CTNNA2: variants seen among roughly 807,000 people sequenced by gnomAD.
CTNNA2 encodes the protein catenin alpha 2, also known as catenin alpha-2.
In CTNNA2, 42 loss-of-function variants were observed where a neutral mutation model predicts 101.0. The ratio of observed to expected loss-of-function variants is 0.42; its 90% CI spans 0.32 to 0.54. CTNNA2 has a LOEUF of 0.54. Among genes scored for constraint, CTNNA2 ranks in the 20% least tolerant of loss-of-function variants. The pLI, the probability that CTNNA2 is intolerant of heterozygous loss-of-function variation, is 0.14. For synonymous variants in CTNNA2, 450 were observed against 456.4 expected (o/e 0.99, Z 0.18); for missense variants, 871 against 1,223.1 (o/e 0.71, Z 4.29).
At chr2:79,821,923 T>A (rs145120290) in intron 3 of CTNNA2, among the ~76,000 whole-genome samples, 1,608 of 152,268 alleles carry the variant, frequency 0.011, 31 homozygotes, top group African/African-American at 0.036. Context: ...AACATAAAAC[T>A]TAAGAAAAGT....
chr2:79,886,490 G>A (rs113322169), intron 6 of CTNNA2, among the ~76,000 whole-genome samples: 42,971 of 151,516 alleles, frequency 0.28, 6,413 homozygotes, highest in Middle Eastern at 0.37. Context: ...GGTGGCTCAC[G>A]CCTGTAATCC....
At chr2:79,761,161 C>T (rs905797984) in intron 3 of CTNNA2, among the ~76,000 whole-genome samples, 26 of 152,214 alleles carry the variant, frequency 1.7e-4, no homozygotes, top group African/African-American at 5.1e-4. Flanking sequence ...TGACGATAAG[C>T]TGAAATGCTG....
intron 7 of CTNNA2, among the ~76,000 whole-genome samples, chr2:80,089,169 T>G (rs1699629655): frequency 6.6e-6 from 1 of 152,026 alleles, no homozygotes; most frequent in Admixed American, 6.6e-5. Context: ...CTAATTTTCC[T>G]GGTGGGGGCT....
rs555172809 is a variant in CTNNA2, at chr2:79,953,005, A to G, written c.1056+43208A>G. 2.6e-5 allele frequency among the ~76,000 whole-genome samples: 4 copies of G among 152,346 alleles called. No individual in the cohort carries two copies. The South Asian group carries it at 8.3e-4, about 32-fold the overall frequency. On this transcript the variant is annotated intron_variant, in intron 7 of 18. Transcript: ENST00000402739. Reference sequence around the variant, plus strand: ...GCTGACAAGGTTTTTGTGATGTCTCAGGATGTAGCCCTGTGAAACTAACAT... The same window carrying G: ...GCTGACAAGGTTTTTGTGATGTCTCGGGATGTAGCCCTGTGAAACTAACAT...
intron 7 of CTNNA2, chr2:80,313,577 A>C (rs1677810842): frequency 6.2e-7 from 1 of 1,611,040 alleles, no homozygotes; most frequent in Non-Finnish European, 8.5e-7. Flanking sequence ...TGGATGGAGA[A>C]GGCCACTCCA....
chr2:80,455,912 G>GCTCT (rs1298995157), intron 9 of CTNNA2, among the ~76,000 whole-genome samples: 1 of 152,176 alleles, frequency 6.6e-6, no homozygotes, highest in East Asian at 1.9e-4. Context: ...GAGACACAGA[G>GCTCT]TGGTTATGTC....
In CTNNA2 at chr2:80,170,047, C is replaced by T. The variant is rs967888514; in HGVS notation, c.1057-223164C>T. 9.2e-5 allele frequency among the ~76,000 whole-genome samples: 14 copies of T among 152,280 alleles called. No individual in the cohort carries two copies. The East Asian group carries it at 9.7e-4, about 11-fold the overall frequency. ...CAAGAACTCAGTAAATAATTGTTTC[C>T]GTTTATCAAGTAAGGGCAATTCATT... On this transcript the variant is annotated intron_variant, in intron 7 of 18. Transcript: ENST00000402739.
chr2:80,235,398 C>T (rs1164350618), intron 7 of CTNNA2, among the ~76,000 whole-genome samples: 1 of 152,138 alleles, frequency 6.6e-6, no homozygotes, highest in African/African-American at 2.4e-5. Context: ...AAGGAACTAT[C>T]AATCACTGCA....
Position 80,038,550 on chromosome 2 carries a change from G to C in CTNNA2, c.1056+128753G>C, listed in dbSNP as rs1162641156. Reference sequence around the variant, plus strand: ...AGCCTGGGCAACATGGTGAAACCTGGTCTCTACTGAAAATACAAAAATTAG... The same window carrying C: ...AGCCTGGGCAACATGGTGAAACCTGCTCTCTACTGAAAATACAAAAATTAG... On this transcript the variant is annotated intron_variant, in intron 7 of 18. Coordinates refer to ENST00000402739, the MANE Select transcript of CTNNA2 (RefSeq NM_001282597.3). Among the ~76,000 whole-genome samples the C allele has an allele frequency of 2.0e-5, 3 of 152,072 alleles. No individual in the cohort carries two copies. The East Asian group carries it at 5.8e-4, about 29-fold the overall frequency.
Position 80,581,761 on chromosome 2 carries a change from G to A in CTNNA2, c.1949G>A (p.Arg650His), listed in dbSNP as rs746107522. The A allele has an allele frequency of 7.2e-5, 116 of 1,613,240 alleles. No homozygotes were observed. Among genetic ancestry groups the A allele is most frequent in the Non-Finnish European group, 9.3e-5 (110 of 1,179,504 alleles). The change falls in exon 14 of 19, where the codon CGT becomes CAT. Residue 650 changes from arginine to histidine, a missense_variant. By Grantham distance (29) the Arg-to-His change is conservative. This residue lies in a region of CTNNA2 where 93 missense variants were observed against 223.7 expected (regional missense o/e 0.42). Transcript: ENST00000402739. ...SDFEQEDYDV[R>H]SRTSVQTEDD... ...TTTGAGCAGGAAGATTATGATGTGCGTAGCAGGACAAGTGTTCAGACTGAG... is the reference window on the plus strand; with the variant it reads ...TTTGAGCAGGAAGATTATGATGTGCATAGCAGGACAAGTGTTCAGACTGAG...
At chr2:79,276,942 G>A (rs1013331453) in intron 2 of CTNNA2, among the ~76,000 whole-genome samples, 3 of 152,102 alleles carry the variant, frequency 2.0e-5, no homozygotes, top group South Asian at 2.1e-4. Flanking sequence ...GCGCATAGAT[G>A]TGCACACACA....
At chr2:79,865,616 A>G (rs1169111884) in intron 4 of CTNNA2, among the ~76,000 whole-genome samples, 1 of 152,226 alleles carries the variant, frequency 6.6e-6, no homozygotes, top group African/African-American at 2.4e-5. Context: ...GGGATGTATC[A>G]GACTCCTCAA....
chr2:79,286,458 A>C (rs1252564127), intron 2 of CTNNA2, among the ~76,000 whole-genome samples: 1 of 151,894 alleles, frequency 6.6e-6, no homozygotes, highest in Non-Finnish European at 1.5e-5. Context: ...GGTGGTGACA[A>C]AATCTCTCAG....
chr2:80,580,888 C>T (rs1047097173), intron 13 of CTNNA2, among the ~76,000 whole-genome samples: 2 of 152,018 alleles, frequency 1.3e-5, no homozygotes, highest in Admixed American at 1.3e-4. Flanking sequence ...TGATGGTGTA[C>T]ACCTGTAATC....
At chr2:79,725,226 T>C (rs1357162046) in intron 2 of CTNNA2, among the ~76,000 whole-genome samples, 1 of 152,190 alleles carries the variant, frequency 6.6e-6, no homozygotes, top group Admixed American at 6.5e-5. Flanking sequence ...CTATTTGATA[T>C]TTAAACATAA....
chr2:80,318,154 A>G lies in CTNNA2; in HGVS notation c.1057-75057A>G, dbSNP rs1270530463. On this transcript the variant is annotated intron_variant, in intron 7 of 18. Transcript: ENST00000402739. The stretch of plus-strand genomic sequence containing the variant: ...AACTGTGCTAAGTGCTAAGCTATAT[A>G]AAATATTTTAGATAATAGTCTTTTC... 3.3e-5 allele frequency among the ~76,000 whole-genome samples: 5 copies of G among 152,216 alleles called. No homozygotes were observed. The East Asian group carries it at 7.7e-4, about 23-fold the overall frequency.
chr2:80,262,931 CAACAATATT>C (rs1243181628), intron 7 of CTNNA2, among the ~76,000 whole-genome samples: 6 of 151,418 alleles, frequency 4.0e-5, no homozygotes, highest in African/African-American at 1.5e-4. Context: ...ATAATAAAAA[CAACAATATT>C]GACAAAAATA....
At chr2:79,659,282 C>A (rs1005107557) in intron 2 of CTNNA2, among the ~76,000 whole-genome samples, 1 of 148,666 alleles carries the variant, frequency 6.7e-6, no homozygotes, top group Non-Finnish European at 1.5e-5. Context: ...GCATTTTATG[C>A]AAGAATTTAC....
At chr2:80,495,256 C>G (rs939388208) in intron 9 of CTNNA2, among the ~76,000 whole-genome samples, 5 of 152,208 alleles carry the variant, frequency 3.3e-5, no homozygotes, top group African/African-American at 1.2e-4. Flanking sequence ...CCTATTAATA[C>G]AAACAACTGT....
Sources: allele counts gnomAD v4.1 joint callset (sites outside exome capture counted in the v4.1 genomes callset), GRCh38; gene constraint gnomAD v4.1.1; regional missense constraint gnomAD v4.1.1; transcripts MANE v1.5; gene names NCBI Gene and HGNC (gene_info 2026-07-23, HGNC 2026-07-21).